STPG2: variants seen among roughly 807,000 people sequenced by gnomAD.
STPG2 encodes sperm tail PG-rich repeat containing 2, also known as sperm-tail PG-rich repeat-containing protein 2.
Under a neutral mutation model 54.2 loss-of-function variants are expected in STPG2, and 56 were observed. The ratio of observed to expected loss-of-function variants is 1.03; its 90% confidence interval spans 0.83 to 1.29. The LOEUF (loss-of-function observed/expected upper bound fraction) is 1.29, where lower values mean the gene tolerates loss of function less well. Ranked by LOEUF, STPG2 falls within the 50% of genes most tolerant of loss-of-function variation. The pLI is 0.00. For missense variants in STPG2, 596 were observed against 544.9 expected, an observed-to-expected ratio of 1.09 and a Z score of -0.93; for synonymous variants, 200 against 181.8, an observed-to-expected ratio of 1.10 and a Z score of -0.81.
chr4:97,573,132 T>C (rs984998061), intron 10 of STPG2, among the ~76,000 whole-genome samples: 7 of 152,116 alleles, frequency 4.6e-5, no homozygotes, highest in Non-Finnish European at 1.0e-4. Flanking sequence ...ATATGGGTAA[T>C]TTTTAATTTT....
intron 4 of STPG2, among the ~76,000 whole-genome samples, chr4:97,494,595 C>T (rs1350180681): frequency 3.3e-5 from 5 of 151,576 alleles, no homozygotes; most frequent in Admixed American, 2.0e-4. Context: ...AGAGAAGCTA[C>T]GTCCAAGTAG....
chr4:97,632,541 T>C (rs1041752437), intron 10 of STPG2, among the ~76,000 whole-genome samples: 2 of 152,114 alleles, frequency 1.3e-5, no homozygotes, highest in African/African-American at 4.8e-5. Flanking sequence ...AATCCTGAGT[T>C]CTTGCTCTGA....
At chr4:97,628,235 A>C (rs1054078876) in intron 10 of STPG2, among the ~76,000 whole-genome samples, 1 of 152,164 alleles carries the variant, frequency 6.6e-6, no homozygotes, top group Admixed American at 6.5e-5. Flanking sequence ...TGATATTAGC[A>C]GGATTATCAG....
intron 8 of STPG2, among the ~76,000 whole-genome samples, chr4:97,918,615 C>A (rs975590233): frequency 6.6e-6 from 1 of 151,736 alleles, no homozygotes; most frequent in Non-Finnish European, 1.5e-5. Flanking sequence ...ACATACACAC[C>A]ATGGAATACT....
chr4:97,937,344 G>A lies in STPG2; in HGVS notation c.1044+6553C>T, dbSNP rs189373095. Among the ~76,000 whole-genome samples the A allele has an allele frequency of 3.4e-3, 516 of 152,062 alleles. 2 individuals carry two copies. The highest frequency in any genetic ancestry group is 5.6e-3 in the Non-Finnish European group (383 of 67,980). ...GAACATGCTCCTTTACCTCAGCAAA[G>A]TATGTTATTATCCACCTTTCTAAAG... On this transcript the variant is annotated intron_variant, in intron 8 of 10. Transcript: ENST00000295268.
chr4:97,538,903 A>C (rs1035886176), intron 4 of STPG2, among the ~76,000 whole-genome samples: 7 of 152,200 alleles, frequency 4.6e-5, no homozygotes, highest in African/African-American at 1.2e-4. Context: ...TTCTTAAAGA[A>C]AAGAATTTTC....
Position 98,134,424 on chromosome 4 carries a change from C to T in STPG2, c.145G>A (p.Glu49Lys). ...CTAGAGGCAATGGTAAAAGTACTTT[C>T]TCTGGCAGTCAAAGAAAGAAATGGT... ...NAPFLSLTARESTFTIASSIE... is the reference protein window; with the variant it reads ...NAPFLSLTARKSTFTIASSIE... The change falls in exon 2 of 11, where the codon GAA becomes AAA. Residue 49 changes from glutamate (E) to lysine (K), a missense_variant. Glu to Lys is a moderately conservative substitution (Grantham distance 56). Coordinates refer to ENST00000295268, the MANE Select transcript of STPG2 (RefSeq NM_174952.3). The T allele has an allele frequency of 6.3e-7, 1 of 1,588,860 alleles. No homozygotes were observed. The highest frequency in any genetic ancestry group is 8.6e-7 in the Non-Finnish European group (1 of 1,165,148).
At chr4:97,859,186 T>C (rs1411620254) in intron 8 of STPG2, among the ~76,000 whole-genome samples, 1 of 152,224 alleles carries the variant, frequency 6.6e-6, no homozygotes, top group Non-Finnish European at 1.5e-5. Flanking sequence ...TGGCTATTTG[T>C]AGATCTTCTT....
chr4:97,907,184 T>A (rs909766711), intron 8 of STPG2, among the ~76,000 whole-genome samples: 3 of 151,768 alleles, frequency 2.0e-5, no homozygotes, highest in Non-Finnish European at 2.9e-5. Context: ...GGATACAAAA[T>A]CAATGTACAA....
chr4:97,972,901 C>T (rs1734382422), intron 6 of STPG2, among the ~76,000 whole-genome samples: 1 of 152,218 alleles, frequency 6.6e-6, no homozygotes, highest in African/African-American at 2.4e-5. Flanking sequence ...CCTTCCCAAC[C>T]ATGTGGAACC....
At chr4:97,493,149 A>G (rs1414512594) in intron 4 of STPG2, among the ~76,000 whole-genome samples, 2 of 151,006 alleles carry the variant, frequency 1.3e-5, no homozygotes, top group Non-Finnish European at 3.0e-5. Context: ...GTCTGTATAG[A>G]AAGAGTAAAA....
chr4:97,741,662 T>A (rs1366269066), intron 9 of STPG2, among the ~76,000 whole-genome samples: 3 of 151,742 alleles, frequency 2.0e-5, no homozygotes, highest in East Asian at 1.9e-4. Context: ...AACCGCAATG[T>A]GATACCATCT....
chr4:97,525,845 T>G (rs1731269916), intron 4 of STPG2, among the ~76,000 whole-genome samples: 1 of 152,068 alleles, frequency 6.6e-6, no homozygotes, highest in Non-Finnish European at 1.5e-5. Context: ...TGATGAGCTT[T>G]TTTTCATGTT....
intron 8 of STPG2, among the ~76,000 whole-genome samples, chr4:97,868,143 T>C (rs143199962): frequency 5.3e-5 from 8 of 151,994 alleles, no homozygotes; most frequent in African/African-American, 1.4e-4. Flanking sequence ...TCGTTTTTCA[T>C]AGTGTCTTGC....
intron 9 of STPG2, among the ~76,000 whole-genome samples, chr4:97,781,884 C>T (rs945095864): frequency 1.3e-5 from 2 of 151,536 alleles, no homozygotes; most frequent in African/African-American, 4.9e-5. Flanking sequence ...ATTCAACAGC[C>T]CTTCATGCTA....
At chr4:97,655,298 T>C (rs1250646444) in intron 10 of STPG2, among the ~76,000 whole-genome samples, 1 of 152,064 alleles carries the variant, frequency 6.6e-6, no homozygotes, top group Non-Finnish European at 1.5e-5. Context: ...CGTGAATTCT[T>C]AGGTGACCTA....
chr4:98,072,263 A>G (rs1738027048), intron 5 of STPG2, among the ~76,000 whole-genome samples: 1 of 152,196 alleles, frequency 6.6e-6, no homozygotes. Context: ...TTTGCGGGAC[A>G]TGAATGGAGC....
At chr4:97,570,344 G>T (rs1732567596) in intron 10 of STPG2, among the ~76,000 whole-genome samples, 1 of 151,932 alleles carries the variant, frequency 6.6e-6, no homozygotes, top group Admixed American at 6.6e-5. Context: ...AAATTTCAAG[G>T]CATTGGGGTG....
intron 8 of STPG2, among the ~76,000 whole-genome samples, chr4:97,852,341 G>A (rs1729187278): frequency 6.6e-6 from 1 of 152,206 alleles, no homozygotes; most frequent in Admixed American, 6.5e-5. Flanking sequence ...CCATTTTAAG[G>A]TAGTGCTACT....
Sources: gnomAD v4.1 joint callset for allele counts (sites outside exome capture counted in the v4.1 genomes callset) on GRCh38, gnomAD v4.1.1 for gene constraint, MANE v1.5 for transcripts, NCBI Gene and HGNC (gene_info 2026-07-23, HGNC 2026-07-21) for gene names.